ACAP2: variants seen among roughly 807,000 people sequenced by gnomAD.
The protein encoded by ACAP2 is ArfGAP with coiled-coil, ankyrin repeat and PH domains 2.
ACAP2 carries 39 observed loss-of-function variants against 115.8 expected under a neutral mutation model. The observed-to-expected ratio is 0.34, with a 90% CI of 0.26 to 0.44. ACAP2 has a LOEUF of 0.44. ACAP2 is among the 20% of genes least tolerant of loss of function. ACAP2 has a pLI of 1.00. For missense variants in ACAP2, 662 were observed against 927.6 expected, an observed-to-expected ratio of 0.71 and a Z score of 3.72; for synonymous variants, 289 against 315.8, an observed-to-expected ratio of 0.92 and a Z score of 0.90.
At chr3:195,331,225 T>C (rs1577312497) in intron 8 of ACAP2, among the ~76,000 whole-genome samples, 1 of 151,926 alleles carries the variant, frequency 6.6e-6, no homozygotes, top group East Asian at 2.0e-4. Flanking sequence ...CTACATGTCT[T>C]TCCCCCGTCT....
chr3:195,320,500 T>G (rs1729378615), intron 10 of ACAP2, among the ~76,000 whole-genome samples: 1 of 152,354 alleles, frequency 6.6e-6, no homozygotes, highest in Non-Finnish European at 1.5e-5. Flanking sequence ...TAATCCTTGC[T>G]TATTTTTAGA....
intron 15 of ACAP2, among the ~76,000 whole-genome samples, chr3:195,301,074 C>CTT (rs201654778): frequency 1.3e-5 from 2 of 148,396 alleles, no homozygotes; most frequent in East Asian, 3.9e-4. Context: ...TAAATATAGC[C>CTT]TTTTTTTTTT....
At chr3:195,333,850 A>G (rs1730329559) in intron 7 of ACAP2, among the ~76,000 whole-genome samples, 1 of 152,240 alleles carries the variant, frequency 6.6e-6, no homozygotes, top group Non-Finnish European at 1.5e-5. Flanking sequence ...TTTACAATCT[A>G]CGAGAGCACA....
In ACAP2 at chr3:195,285,874, T is replaced by C. The variant is rs368066629; in HGVS notation, c.2175-17A>G. On this transcript the variant is annotated splice_polypyrimidine_tract_variant and intron_variant, in intron 21 of 22. Coordinates refer to ENST00000326793, the MANE Select transcript of ACAP2 (RefSeq NM_012287.6). ...AAACGTAACCTAAAAATAAATAAAA[T>C]AGTGTTTTAGATGACATTATATAAT... is the stretch of plus-strand genomic sequence containing the variant. 6 of 1,577,108 alleles carry C rather than the reference T, an allele frequency of 3.8e-6. No homozygotes were observed. The highest frequency in any genetic ancestry group is 1.4e-5 in the African/African-American group (1 of 74,034).
chr3:195,322,448 A>G (rs73890767), intron 9 of ACAP2, among the ~76,000 whole-genome samples: 3,488 of 152,298 alleles, frequency 0.023, 135 homozygotes, highest in African/African-American at 0.079. Flanking sequence ...AACAGGAAAC[A>G]GACTAAATTC....
chr3:195,364,570 CAAAT>C (rs899551247), intron 4 of ACAP2, among the ~76,000 whole-genome samples: 1 of 151,142 alleles, frequency 6.6e-6, no homozygotes, highest in Admixed American at 6.6e-5. Context: ...GACTCTGTCT[CAAAT>C]AAATAAATAA....
chr3:195,385,927 T>C (rs1314113191), intron 2 of ACAP2, among the ~76,000 whole-genome samples: 1 of 152,110 alleles, frequency 6.6e-6, no homozygotes, highest in Non-Finnish European at 1.5e-5. Flanking sequence ...TGTAATAACA[T>C]TAAGAGTACT....
At chr3:195,373,315 T>G (rs1276287249) in intron 4 of ACAP2, among the ~76,000 whole-genome samples, 2 of 152,146 alleles carry the variant, frequency 1.3e-5, no homozygotes, top group African/African-American at 4.8e-5. Flanking sequence ...AAAGTATGCA[T>G]GTAGATATGA....
At chr3:195,347,500 T>C (rs971607632) in intron 4 of ACAP2, among the ~76,000 whole-genome samples, 10 of 152,140 alleles carry the variant, frequency 6.6e-5, no homozygotes, top group Admixed American at 3.9e-4. Flanking sequence ...AGAAAAAGCA[T>C]AACTACTTTA....
intron 4 of ACAP2, among the ~76,000 whole-genome samples, chr3:195,345,750 T>C (rs142593921): frequency 9.6e-4 from 146 of 152,290 alleles, no homozygotes; most frequent in African/African-American, 3.3e-3. Flanking sequence ...AGGTTACTCA[T>C]TGGGGAAGAC....
intron 10 of ACAP2, among the ~76,000 whole-genome samples, chr3:195,313,353 T>C (rs767668391): frequency 2.6e-5 from 4 of 152,210 alleles, no homozygotes; most frequent in Non-Finnish European, 5.9e-5. Context: ...CTCATCTTAA[T>C]AAGCTGCTCC....
At chr3:195,302,248 A>C in intron 13 of ACAP2, 74 bp from the exon 14 acceptor site, 1 of 1,327,084 alleles carries the variant, frequency 7.5e-7, no homozygotes, top group South Asian at 1.4e-5. Flanking sequence ...TACATGCTCC[A>C]AACTAAAGCT....
At chr3:195,300,808 G>A (rs924163600) in intron 15 of ACAP2, among the ~76,000 whole-genome samples, 2 of 152,190 alleles carry the variant, frequency 1.3e-5, no homozygotes, top group African/African-American at 4.8e-5. Context: ...CTTGAGCCCA[G>A]GAGTACAAGG....
At chr3:195,433,100 C>T (rs1396440907) in intron 1 of ACAP2, among the ~76,000 whole-genome samples, 2 of 152,072 alleles carry the variant, frequency 1.3e-5, no homozygotes, top group African/African-American at 4.8e-5. Context: ...CCTGCCCACC[C>T]CCTGCACTAC....
chr3:195,284,448 T>G (rs567797031), intron 22 of ACAP2, among the ~76,000 whole-genome samples: 1 of 152,308 alleles, frequency 6.6e-6, no homozygotes, highest in East Asian at 1.9e-4. Flanking sequence ...CTCTTCCATC[T>G]CGGAACATCA....
At chr3:195,291,139 A>G (rs979736329) in intron 20 of ACAP2, among the ~76,000 whole-genome samples, 8 of 152,210 alleles carry the variant, frequency 5.3e-5, no homozygotes, top group African/African-American at 1.9e-4. Flanking sequence ...CAAATTTTTC[A>G]CATAAAGCCA....
chr3:195,407,587 G>A (rs1712894911), intron 1 of ACAP2, among the ~76,000 whole-genome samples: 1 of 151,932 alleles, frequency 6.6e-6, no homozygotes, highest in Non-Finnish European at 1.5e-5. Flanking sequence ...CATGCCTATA[G>A]CCCCAGCTAC....
rs1330109613 is a variant in ACAP2, at chr3:195,434,824, TTG to T, written c.53+7969_53+7970del. Among the ~76,000 whole-genome samples, 8 of 152,312 alleles carry T rather than the reference TTG, an allele frequency of 5.3e-5. No individual in the cohort carries two copies. In the East Asian group the frequency reaches 1.5e-3, roughly 29 times the overall value. On this transcript the variant is annotated intron_variant, in intron 1 of 22. Coordinates refer to ENST00000326793, the MANE Select transcript of ACAP2 (RefSeq NM_012287.6). ...TTCTTCTTGAGTCGGTTTCAGTAGT[TTG>T]TGTCTTTCTTGAAATATATTCTTCT...
In ACAP2 at chr3:195,308,178, A is replaced by G. The variant is rs112101013; in HGVS notation, c.909+608T>C. ...GTTCTATTTAAATTACTTTCAGCTT[A>G]CATTTTAATTAATGTAATTTTTAAC... On this transcript the variant is annotated intron_variant, in intron 11 of 22. Coordinates refer to ENST00000326793, the MANE Select transcript of ACAP2 (RefSeq NM_012287.6). Among the ~76,000 whole-genome samples the G allele has an allele frequency of 4.1e-4, 63 of 152,282 alleles. No individual in the cohort carries two copies. The Middle Eastern group carries it at 0.017, about 41-fold the overall frequency.
Sources: gnomAD v4.1 joint callset for allele counts (sites outside exome capture counted in the v4.1 genomes callset) on GRCh38, gnomAD v4.1.1 for gene constraint, MANE v1.5 for transcripts, NCBI Gene and HGNC (gene_info 2026-07-23, HGNC 2026-07-21) for gene names.